The following GCNT1 variants were observed in gnomAD, a reference collection of about 807,000 sequenced individuals.
GCNT1 encodes the protein beta-1,3-galactosyl-O-glycosyl-glycoprotein beta-1,6-N-acetylglucosaminyltransferase.
A neutral mutation model predicts 26.2 loss-of-function variants in GCNT1; 16 were observed. That is an observed-to-expected ratio of 0.61 (90% CI 0.41 to 0.93). The LOEUF is 0.93. GCNT1 is among the 40% of genes least tolerant of loss of function. The pLI, the probability that GCNT1 is intolerant of heterozygous loss-of-function variation, is 0.00. For missense variants in GCNT1, 477 were observed against 526.7 expected (o/e 0.91, Z 0.92); for synonymous variants, 183 against 190.8 (o/e 0.96, Z 0.34).
chr9:76,471,910 A>G (rs1209240586), intron 2 of GCNT1, among the ~76,000 whole-genome samples: 1 of 152,046 alleles, frequency 6.6e-6, no homozygotes, highest in African/African-American at 2.4e-5. Flanking sequence ...TGGCATGATC[A>G]CAGCTCACTG....
In GCNT1 at chr9:76,502,711, T is replaced by G; in HGVS notation, c.330T>G (p.Ile110Met). 12 of 1,614,106 alleles carry G rather than the reference T, an allele frequency of 7.4e-6. No individual in the cohort carries two copies. Among genetic ancestry groups the G allele is most frequent in the Non-Finnish European group, 1.0e-5 (12 of 1,179,958 alleles). The change falls in exon 4 of 4, where the codon ATT (isoleucine) becomes ATG (methionine). Residue 110 changes from isoleucine to methionine, a missense_variant. Ile to Met is a conservative substitution (Grantham distance 10). Coordinates refer to ENST00000376730, the MANE Select transcript of GCNT1 (RefSeq NM_001490.5). ...CTTTCATCAAGAGACGCAAATATAT[T>G]GTAGAACCCCTTAGTAAAGAAGAGG... ...CSSFIKRRKYIVEPLSKEEAE... is the reference protein window; with the variant it reads ...CSSFIKRRKYMVEPLSKEEAE...
At chr9:76,499,387 C>G (rs1293723915) in intron 2 of GCNT1, among the ~76,000 whole-genome samples, 1 of 152,158 alleles carries the variant, frequency 6.6e-6, no homozygotes, top group Non-Finnish European at 1.5e-5. Flanking sequence ...CTCAGCTTCC[C>G]AAAGTGCTGG....
chr9:76,452,557 GTT>G (rs1823688466), intron 1 of GCNT1, among the ~76,000 whole-genome samples: 3 of 152,114 alleles, frequency 2.0e-5, no homozygotes, highest in Non-Finnish European at 2.9e-5. Flanking sequence ...CATGATGCAA[GTT>G]GAAGGGGAAG....
At chr9:76,487,492 T>G (rs531193458) in intron 2 of GCNT1, among the ~76,000 whole-genome samples, 1 of 152,246 alleles carries the variant, frequency 6.6e-6, no homozygotes, top group East Asian at 1.9e-4. Context: ...CCATCAGCGG[T>G]TTGTTTATGC....
upstream of GCNT1, among the ~76,000 whole-genome samples, chr9:76,437,767 G>T (rs1464894253): frequency 1.3e-5 from 2 of 152,166 alleles, no homozygotes; most frequent in African/African-American, 4.8e-5. Context: ...AAGGGTGAGG[G>T]CAAAGCAGAA....
the GCNT1 span, chr9:76,394,162 G>C: frequency 6.2e-7 from 1 of 1,605,786 alleles, no homozygotes; most frequent in South Asian, 1.1e-5. Flanking sequence ...AAGTAAGGCA[G>C]GTGCCTCATA....
chr9:76,396,446 ATAAG>A, the GCNT1 span, among the ~76,000 whole-genome samples: 78 of 152,178 alleles, frequency 5.1e-4, no homozygotes, highest in African/African-American at 7.0e-4. Flanking sequence ...TAAAATAAAA[ATAAG>A]TAAGAAAGAG....
chr9:76,434,045 A>C (rs1248740100), intron 1 of GCNT1, among the ~76,000 whole-genome samples: 1 of 152,236 alleles, frequency 6.6e-6, no homozygotes, highest in Non-Finnish European at 1.5e-5. Flanking sequence ...TTACAACTAC[A>C]TGCTGCATGA....
At chr9:76,473,455 A>C (rs117749760) in intron 2 of GCNT1, among the ~76,000 whole-genome samples, 1 of 152,294 alleles carries the variant, frequency 6.6e-6, no homozygotes, top group Non-Finnish European at 1.5e-5. Flanking sequence ...ACCCTTAGAC[A>C]TGAGCTCAGA....
At chr9:76,499,818 A>T (rs924776456) in intron 2 of GCNT1, among the ~76,000 whole-genome samples, 4 of 152,176 alleles carry the variant, frequency 2.6e-5, no homozygotes, top group Non-Finnish European at 5.9e-5. Context: ...CAGTATTTAT[A>T]CATTATTATT....
At chr9:76,467,403 C>G (rs2131600613) in intron 2 of GCNT1, among the ~76,000 whole-genome samples, 1 of 151,698 alleles carries the variant, frequency 6.6e-6, no homozygotes, top group South Asian at 2.1e-4. Context: ...GGGGAAGGAC[C>G]TTTTCAAGCC....
chr9:76,461,376 A>G (rs188386950), intron 2 of GCNT1, among the ~76,000 whole-genome samples: 263 of 151,474 alleles, frequency 1.7e-3, no homozygotes, highest in African/African-American at 6.2e-3. Flanking sequence ...GTGGATCACG[A>G]GGTCAGGAGT....
chr9:76,466,473 T>C (rs1186371008), intron 2 of GCNT1, among the ~76,000 whole-genome samples: 1 of 152,192 alleles, frequency 6.6e-6, no homozygotes, highest in Non-Finnish European at 1.5e-5. Context: ...AATTTTTGTA[T>C]TCTTTTTCTA....
At chr9:76,411,697 CTTTTTTTT>C in the GCNT1 span, among the ~76,000 whole-genome samples, 3 of 83,652 alleles carry the variant, frequency 3.6e-5, no homozygotes, top group African/African-American at 1.5e-4. Context: ...ATCAATTATA[CTTTTTTTT>C]TTTTTTTTTT....
At chr9:76,401,279 G>A in the GCNT1 span, among the ~76,000 whole-genome samples, 2 of 152,082 alleles carry the variant, frequency 1.3e-5, no homozygotes, top group African/African-American at 2.4e-5. Context: ...TTTAGAGATG[G>A]GATCTCGCTA....
intron 1 of GCNT1, among the ~76,000 whole-genome samples, chr9:76,423,901 T>C (rs1823230424): frequency 6.6e-6 from 1 of 152,250 alleles, no homozygotes; most frequent in Non-Finnish European, 1.5e-5. Context: ...GATCAAAGGC[T>C]TGCTTTTCCT....
intron 1 of GCNT1, among the ~76,000 whole-genome samples, chr9:76,428,292 T>TAAAA (rs1279001629): frequency 3.0e-4 from 26 of 85,848 alleles, no homozygotes; most frequent in African/African-American, 3.8e-4. Context: ...AAAAAAAACT[T>TAAAA]AAAAAAAAAA....
chr9:76,424,340 T>C (rs989880440), intron 1 of GCNT1, among the ~76,000 whole-genome samples: 2 of 152,214 alleles, frequency 1.3e-5, no homozygotes, highest in African/African-American at 4.8e-5. Context: ...AAGTTGTTTC[T>C]ACCTGTAGTG....
At chr9:76,434,061 A>C (rs1025325201) in intron 1 of GCNT1, among the ~76,000 whole-genome samples, 2 of 152,220 alleles carry the variant, frequency 1.3e-5, no homozygotes, top group Non-Finnish European at 2.9e-5. Context: ...CATGACTCAG[A>C]TCAGAGTCAC....
Sources: allele counts gnomAD v4.1 joint callset (sites outside exome capture counted in the v4.1 genomes callset), GRCh38; gene constraint gnomAD v4.1.1; transcripts MANE v1.5; gene names NCBI Gene and HGNC (gene_info 2026-07-23, HGNC 2026-07-21).